MACROH2A2: variants seen among roughly 807,000 people sequenced by gnomAD.
MACROH2A2 encodes the protein core histone macro-H2A.2.
MACROH2A2 carries 6 observed loss-of-function variants against 37.6 expected under a neutral mutation model. That is an observed-to-expected ratio of 0.16 (90% CI 0.09 to 0.32). MACROH2A2 has a LOEUF of 0.32. MACROH2A2 is among the 10% of genes least tolerant of loss of function. The probability of loss-of-function intolerance (pLI) is 1.00; values close to 1 mark genes in which losing one functional copy is unlikely to be tolerated. For missense variants in MACROH2A2, 290 were observed against 485.9 expected (o/e 0.60, Z 3.79); for synonymous variants, 192 against 202.7 (o/e 0.95, Z 0.45).
intron 1 of MACROH2A2, among the ~76,000 whole-genome samples, chr10:70,054,237 A>T (rs1203851547): frequency 1.3e-5 from 2 of 152,090 alleles, no homozygotes; most frequent in Non-Finnish European, 2.9e-5. Flanking sequence ...GAGTGAAGGG[A>T]TGAAAGGCGC....
Position 70,063,911 on chromosome 10 carries a change from G to A in MACROH2A2, c.-60+10911G>A, listed in dbSNP as rs377076103. ...GAGAGTAAAAGCAAGAGGGAACTGCGGCGAAGGTGGGGAGCGTGATAAGTG... is the reference window on the plus strand; with the variant it reads ...GAGAGTAAAAGCAAGAGGGAACTGCAGCGAAGGTGGGGAGCGTGATAAGTG... On this transcript the variant is annotated intron_variant, in intron 1 of 8. Transcript: ENST00000373255. Among the ~76,000 whole-genome samples, 118 of 152,346 alleles carry A rather than the reference G, an allele frequency of 7.7e-4. No individual in the cohort carries two copies. The South Asian group carries it at 0.019, about 24-fold the overall frequency.
chr10:70,097,557 A>G (rs1033751216), intron 6 of MACROH2A2, among the ~76,000 whole-genome samples: 1 of 152,194 alleles, frequency 6.6e-6, no homozygotes, highest in Non-Finnish European at 1.5e-5. Context: ...ACAAAAAATA[A>G]CAGAAAAGTA....
intron 7 of MACROH2A2, among the ~76,000 whole-genome samples, chr10:70,108,788 T>C (rs2072352361): frequency 6.6e-6 from 1 of 152,148 alleles, no homozygotes; most frequent in Non-Finnish European, 1.5e-5. Flanking sequence ...TGGCAGACCA[T>C]ATGAAAATGG....
At position 70,095,641 on chromosome 10, in the gene MACROH2A2, C is replaced by T. The variant is rs1395616512; in HGVS notation, c.589-13C>T. On this transcript the variant is annotated splice_polypyrimidine_tract_variant and intron_variant, in intron 5 of 8. Coordinates refer to ENST00000373255, the MANE Select transcript of MACROH2A2 (RefSeq NM_018649.3). ...ATCTTTTCCACATTCACCACCTTTT[C>T]TTCCTAATGCAGCTGTCCTTAACCC... The T allele has an allele frequency of 1.6e-6, 2 of 1,267,518 alleles. No individual in the cohort carries two copies. Among genetic ancestry groups the T allele is most frequent in the African/African-American group, 2.9e-5 (2 of 67,838 alleles). 78.5% of individuals were successfully genotyped at this position (1,267,518 alleles called of 1,614,324 possible).
intron 2 of MACROH2A2, among the ~76,000 whole-genome samples, chr10:70,079,301 C>A (rs2072158844): frequency 6.6e-6 from 1 of 151,646 alleles, no homozygotes; most frequent in Admixed American, 6.6e-5. Context: ...TTAAAAGCTC[C>A]CCCAAATGAT....
At chr10:70,088,927 A>G (rs1156345991) in intron 2 of MACROH2A2, among the ~76,000 whole-genome samples, 1 of 152,128 alleles carries the variant, frequency 6.6e-6, no homozygotes, top group Non-Finnish European at 1.5e-5. Flanking sequence ...AACATGGTGA[A>G]ACCTCATCTC....
At chr10:70,069,405 C>T (rs1481154910) in intron 1 of MACROH2A2, among the ~76,000 whole-genome samples, 1 of 152,146 alleles carries the variant, frequency 6.6e-6, no homozygotes, top group Admixed American at 6.5e-5. Context: ...ATCCACTCTA[C>T]GAGTAATTAT....
intron 1 of MACROH2A2, among the ~76,000 whole-genome samples, chr10:70,060,309 G>T (rs1032420094): frequency 1.3e-5 from 2 of 152,006 alleles, no homozygotes; most frequent in Non-Finnish European, 2.9e-5. Context: ...GGCAGAAGTT[G>T]CAGTGAGCCA....
At chr10:70,102,361 C>T (rs527295605) in intron 7 of MACROH2A2, among the ~76,000 whole-genome samples, 32 of 152,246 alleles carry the variant, frequency 2.1e-4, no homozygotes, top group African/African-American at 7.7e-4. Context: ...TGGATCTGAC[C>T]CTACATGGAC....
rs979985095 is a variant in MACROH2A2 at position 70,111,806 on chromosome 10, G to A, written c.*123G>A. 1.0e-4 allele frequency: 77 copies of A among 743,696 alleles called. No homozygotes were observed. The highest frequency in any genetic ancestry group is 6.2e-4 in the African/African-American group (34 of 55,104). The allele number at this position is 743,696 out of a possible 1,614,324, so 46.1% of individuals were successfully genotyped here. ...GGAGGGTGGCCGGGCAGGTCCTGCC[G>A]GCGCAGGGAGCCCTCTGCCCTTCAC... On this transcript the variant is annotated 3_prime_UTR_variant, in exon 9 of 9. Transcript: ENST00000373255.
At chr10:70,087,938 A>C (rs1385904905) in intron 2 of MACROH2A2, among the ~76,000 whole-genome samples, 1 of 152,264 alleles carries the variant, frequency 6.6e-6, no homozygotes, top group African/African-American at 2.4e-5. Context: ...TTAATACAGC[A>C]TACTTATGTC....
In MACROH2A2 at chr10:70,111,906, C is replaced by A; in HGVS notation, c.*223C>A. The A allele has an allele frequency of 2.7e-6, 1 of 374,272 alleles. No homozygotes were observed. The highest frequency in any genetic ancestry group is 4.7e-6 in the Non-Finnish European group (1 of 210,906). 23.2% of individuals were successfully genotyped at this position (374,272 alleles called of 1,614,324 possible). Reference sequence around the variant, plus strand: ...GGGTTTCTTTCCATGTGTTTTCCTCCTGTTGTTTTAGAACTTTTTTAAAAA... The same window carrying A: ...GGGTTTCTTTCCATGTGTTTTCCTCATGTTGTTTTAGAACTTTTTTAAAAA... On this transcript the variant is annotated 3_prime_UTR_variant, in exon 9 of 9. Transcript: ENST00000373255.
Position 70,075,285 on chromosome 10 carries a change from A to C in MACROH2A2, c.-59-315A>C, listed in dbSNP as rs987401121. On this transcript the variant is annotated intron_variant, in intron 1 of 8. Coordinates refer to ENST00000373255, the MANE Select transcript of MACROH2A2 (RefSeq NM_018649.3). This position sits in a 1 kb window ranked among gnomAD's most constrained non-coding sequence, Gnocchi z 5.0. ...ACAGTCACAGGTTCTGGGGATGAGG[A>C]AATTGACATCTTTGGGGATCATTGT... is the stretch of plus-strand genomic sequence containing the variant. Among the ~76,000 whole-genome samples, 1 of 152,204 alleles carries C rather than the reference A, an allele frequency of 6.6e-6. No individual in the cohort carries two copies. The highest frequency in any genetic ancestry group is 1.5e-5 in the Non-Finnish European group (1 of 68,032).
intron 7 of MACROH2A2, among the ~76,000 whole-genome samples, chr10:70,106,567 T>TGGG (rs2072338942): frequency 1.3e-5 from 2 of 152,110 alleles, no homozygotes; most frequent in Non-Finnish European, 2.9e-5. Flanking sequence ...GAGGCCGAGG[T>TGGG]GGGTGGATCA....
intron 7 of MACROH2A2, among the ~76,000 whole-genome samples, chr10:70,102,253 C>T (rs964361046): frequency 3.9e-5 from 6 of 152,268 alleles, no homozygotes; most frequent in African/African-American, 7.2e-5. Flanking sequence ...TGCAAGAAGA[C>T]GCTTGTCTTG....
chr10:70,061,815 C>G (rs373940482), intron 1 of MACROH2A2, among the ~76,000 whole-genome samples: 1 of 152,166 alleles, frequency 6.6e-6, no homozygotes, highest in East Asian at 1.9e-4. Context: ...ATTTGATCTG[C>G]GTGCCATTTT....
At chr10:70,064,055 T>C (rs1589830639) in intron 1 of MACROH2A2, among the ~76,000 whole-genome samples, 1 of 152,228 alleles carries the variant, frequency 6.6e-6, no homozygotes, top group East Asian at 1.9e-4. Context: ...AATCTGAGAG[T>C]TCTTCTCTAA....
intron 3 of MACROH2A2, among the ~76,000 whole-genome samples, chr10:70,090,577 C>T (rs1024431135): frequency 1.3e-5 from 2 of 152,214 alleles, no homozygotes; most frequent in Non-Finnish European, 2.9e-5. Context: ...CGAATACCCC[C>T]TTTTCACCTA....
At chr10:70,105,558 C>A (rs1433556511) in intron 7 of MACROH2A2, among the ~76,000 whole-genome samples, 1 of 152,114 alleles carries the variant, frequency 6.6e-6, no homozygotes, top group African/African-American at 2.4e-5. Context: ...GGAGAGGGGC[C>A]GACCATGAAG....
Sources: allele counts gnomAD v4.1 joint callset (sites outside exome capture counted in the v4.1 genomes callset), GRCh38; gene constraint gnomAD v4.1.1; non-coding constraint Gnocchi (gnomAD v3.1); transcripts MANE v1.5; gene names NCBI Gene and HGNC (gene_info 2026-07-23, HGNC 2026-07-21).